The following NMU variants were observed in gnomAD, a reference collection of about 807,000 sequenced individuals.
The protein encoded by NMU is neuromedin-U.
A neutral mutation model predicts 35.4 loss-of-function variants in NMU; 29 were observed. That is an observed-to-expected ratio of 0.82 (90% CI 0.61 to 1.12). NMU has a LOEUF of 1.12. NMU is among the 50% of genes most tolerant of loss of function. The probability of loss-of-function intolerance (pLI) is 0.00; values close to 1 mark genes in which losing one functional copy is unlikely to be tolerated. For missense variants in NMU, 199 were observed against 206.2 expected, an observed-to-expected ratio of 0.97 and a Z score of 0.21; for synonymous variants, 78 against 81.3, an observed-to-expected ratio of 0.96 and a Z score of 0.22.
intron 2 of NMU, among the ~76,000 whole-genome samples, chr4:55,626,555 A>G (rs1734538107): frequency 6.6e-6 from 1 of 152,156 alleles, no homozygotes; most frequent in Admixed American, 6.5e-5. Flanking sequence ...AAATACAAAA[A>G]AATTAGCCGG....
chr4:55,615,901 TGTTA>T (rs1734095418), intron 3 of NMU, among the ~76,000 whole-genome samples: 1 of 152,100 alleles, frequency 6.6e-6, no homozygotes, highest in Non-Finnish European at 1.5e-5. Flanking sequence ...TCTGTTCCTG[TGTTA>T]GTTTGCTTAA....
At chr4:55,611,933 G>GTTAC (rs1733950278) in intron 3 of NMU, among the ~76,000 whole-genome samples, 1 of 152,230 alleles carries the variant, frequency 6.6e-6, no homozygotes, top group South Asian at 2.1e-4. Flanking sequence ...TACAGAGGAA[G>GTTAC]TAAGGTTCTA....
intron 6 of NMU, 88 bp from the exon 7 acceptor site, chr4:55,605,437 C>T: frequency 1.0e-6 from 1 of 954,066 alleles, no homozygotes. Flanking sequence ...TTTGTTTTTA[C>T]CCACTAAACT....
chr4:55,610,752 C>T (rs1733899075), intron 3 of NMU, among the ~76,000 whole-genome samples: 1 of 152,134 alleles, frequency 6.6e-6, no homozygotes, highest in Non-Finnish European at 1.5e-5. Flanking sequence ...TACAGTCATG[C>T]ACCACATAAG....
At chr4:55,636,530 T>G, upstream of NMU, 2 of 243,038 alleles carry the variant, frequency 8.2e-6, no homozygotes, top group Non-Finnish European at 7.7e-6. This position sits in a 1 kb window ranked among gnomAD's most constrained non-coding sequence, Gnocchi z 4.0. Flanking sequence ...ATTTAAATAA[T>G]GCACCATTCC....
intron 7 of NMU, among the ~76,000 whole-genome samples, chr4:55,604,679 A>ATTTTTTTTTTTTTTTTTTTTTTTTTTT (rs767568542): frequency 2.1e-5 from 1 of 47,614 alleles, no homozygotes; most frequent in Non-Finnish European, 3.2e-5. Flanking sequence ...TGCCTGGCTA[A>ATTTTTTTTTTTTTTTTTTTTTTTTTTT]TTTTTTTTTT....
At chr4:55,599,246 C>T (rs1325830087) in intron 8 of NMU, 65 bp from the exon 9 acceptor site, 2 of 1,312,284 alleles carry the variant, frequency 1.5e-6, no homozygotes, top group African/African-American at 2.9e-5. Flanking sequence ...GTCATAGAAA[C>T]AGATTGATGA....
At chr4:55,634,983 A>G (rs1303820398) in intron 1 of NMU, among the ~76,000 whole-genome samples, 1 of 152,196 alleles carries the variant, frequency 6.6e-6, no homozygotes, top group African/African-American at 2.4e-5. Context: ...GAAAAGAATA[A>G]TGGTCTCTAT....
chr4:55,609,313 A>C (rs1434677826), intron 3 of NMU, 134 bp from the exon 4 acceptor site: 10 of 713,350 alleles, frequency 1.4e-5, no homozygotes, highest in Non-Finnish European at 2.0e-5. Context: ...AGATTATTAA[A>C]ACTGTTGGAA....
At chr4:55,596,111 C>T (rs1375087519) in intron 9 of NMU, among the ~76,000 whole-genome samples, 4 of 152,236 alleles carry the variant, frequency 2.6e-5, no homozygotes, top group African/African-American at 7.2e-5. Context: ...CTTACATTTA[C>T]TCCTTGTATA....
At chr4:55,618,751 T>TTCTTTCTTCTCTC (rs753525185) in intron 2 of NMU, among the ~76,000 whole-genome samples, 2 of 126,552 alleles carry the variant, frequency 1.6e-5, no homozygotes, top group East Asian at 3.1e-4. Context: ...TTTCTTCTCT[T>TTCTTTCTTCTCTC]TCTTTCTTCT....
chr4:55,603,986 T>A (rs1165515884), intron 7 of NMU, among the ~76,000 whole-genome samples: 1 of 144,788 alleles, frequency 6.9e-6, no homozygotes, highest in East Asian at 2.0e-4. Flanking sequence ...TGTATATATG[T>A]GTATATATAT....
At chr4:55,595,542 GTATA>G (rs35083424) in intron 9 of NMU, 131 bp from the exon 10 acceptor site, 22,691 of 107,826 alleles carry the variant, frequency 0.21, 2,340 homozygotes, top group South Asian at 0.3. Context: ...TTTCCCAGCT[GTATA>G]TATATATATA....
chr4:55,629,447 C>T (rs1734670992), intron 2 of NMU, among the ~76,000 whole-genome samples: 1 of 151,412 alleles, frequency 6.6e-6, no homozygotes, highest in African/African-American at 2.4e-5. Flanking sequence ...GGTGAAACCC[C>T]GTCTCTACTA....
At chr4:55,632,868 A>G (rs1715681317) in intron 1 of NMU, among the ~76,000 whole-genome samples, 1 of 152,004 alleles carries the variant, frequency 6.6e-6, no homozygotes, top group Non-Finnish European at 1.5e-5. Flanking sequence ...TGGGCCACTT[A>G]GAAAGGCCAC....
At chr4:55,632,902 C>T (rs1217795264) in intron 1 of NMU, among the ~76,000 whole-genome samples, 1 of 149,420 alleles carries the variant, frequency 6.7e-6, no homozygotes, top group African/African-American at 2.5e-5. Context: ...GCCCCAGGCA[C>T]TTCCATAAAA....
chr4:55,636,014 G>C lies in NMU; in HGVS notation c.112+67C>G, dbSNP rs1444495860. ...AAGGTGAGAGAAAGAGGGTGGAGGA[G>C]AGCGGTGAGTGGAGCCAGAGAGAGG... On this transcript the variant is annotated intron_variant, in intron 1 of 9. Transcript: ENST00000264218. The surrounding 1 kb of genome is among the most constrained non-coding windows in gnomAD (Gnocchi z 4.0). The C allele has an allele frequency of 6.5e-7, 1 of 1,532,050 alleles. No individual in the cohort carries two copies. Among genetic ancestry groups the C allele is most frequent in the African/African-American group, 1.4e-5 (1 of 72,590 alleles). 94.9% of individuals were successfully genotyped at this position (1,532,050 alleles called of 1,614,324 possible). A position where few individuals can be genotyped will look rare whatever the true frequency, so the allele number is the denominator to read the frequency against.
Position 55,633,101 on chromosome 4 carries a change from T to A in NMU, c.113-2641A>T, listed in dbSNP as rs556184747. On this transcript the variant is annotated intron_variant, in intron 1 of 9. Coordinates refer to ENST00000264218, the MANE Select transcript of NMU (RefSeq NM_006681.4). ...GCACTTTGAGAGGCCAAGGCGGGCATATCACCAGGTCAGGAGATTGAGACG... is the reference window on the plus strand; with the variant it reads ...GCACTTTGAGAGGCCAAGGCGGGCAAATCACCAGGTCAGGAGATTGAGACG... Among the ~76,000 whole-genome samples the A allele has an allele frequency of 4.6e-5, 7 of 151,958 alleles. No individual in the cohort carries two copies. The South Asian group carries it at 1.5e-3, about 32-fold the overall frequency.
At chr4:55,633,053 A>C (rs55893990) in intron 1 of NMU, among the ~76,000 whole-genome samples, 1 of 150,760 alleles carries the variant, frequency 6.6e-6, no homozygotes, top group South Asian at 2.1e-4. Context: ...GGCTGGGTGC[A>C]GTGGCTCACA....
Sources: gnomAD v4.1 joint callset for allele counts (sites outside exome capture counted in the v4.1 genomes callset) on GRCh38, gnomAD v4.1.1 for gene constraint, Gnocchi (gnomAD v3.1) non-coding constraint, MANE v1.5 for transcripts, NCBI Gene and HGNC (gene_info 2026-07-23, HGNC 2026-07-21) for gene names.